S100Z: variants seen among roughly 807,000 people sequenced by gnomAD.
S100Z encodes the protein S100 calcium binding protein Z.
Under a neutral mutation model 8.5 loss-of-function variants are expected in S100Z, and 11 were observed. The ratio of observed to expected loss-of-function variants is 1.30; its 90% CI spans 0.82 to 2.15. S100Z has a LOEUF of 2.15. Among genes scored for constraint, S100Z ranks in the 30% most tolerant of loss-of-function variants. The probability of loss-of-function intolerance (pLI) is 0.00; values close to 1 mark genes in which losing one functional copy is unlikely to be tolerated. For missense variants in S100Z, 126 were observed against 117.9 expected, an observed-to-expected ratio of 1.07 and a Z score of -0.32; for synonymous variants, 34 against 43.8, an observed-to-expected ratio of 0.78 and a Z score of 0.89.
the S100Z span, among the ~76,000 whole-genome samples, chr5:76,935,864 C>T: frequency 7.2e-5 from 11 of 151,862 alleles, no homozygotes; most frequent in South Asian, 2.1e-4. Context: ...GCCACCTCCA[C>T]GTCCTGGGTT....
intron 4 of S100Z, among the ~76,000 whole-genome samples, chr5:76,910,631 G>A (rs539818306): frequency 2.5e-3 from 375 of 152,308 alleles, no homozygotes; most frequent in African/African-American, 8.3e-3. Flanking sequence ...CTGCCCCAGA[G>A]GACAAAGGTT....
At chr5:76,851,916 C>T (rs1750738630) in intron 1 of S100Z, among the ~76,000 whole-genome samples, 1 of 152,146 alleles carries the variant, frequency 6.6e-6, no homozygotes, top group South Asian at 2.1e-4. Flanking sequence ...ACAAGCTGGC[C>T]AGCATTCGCT....
intron 4 of S100Z, among the ~76,000 whole-genome samples, chr5:76,909,338 T>G (rs991108377): frequency 4.6e-5 from 7 of 152,194 alleles, no homozygotes; most frequent in African/African-American, 1.7e-4. Context: ...GTTTCCACAC[T>G]ACGGCCTGGC....
chr5:76,950,946 C>G, the S100Z span, among the ~76,000 whole-genome samples: 1 of 152,166 alleles, frequency 6.6e-6, no homozygotes, highest in Non-Finnish European at 1.5e-5. Context: ...GAATGGCTAC[C>G]TGGCTTCTCC....
At chr5:76,882,590 AGTT>A (rs1256963890) in intron 4 of S100Z, among the ~76,000 whole-genome samples, 2 of 152,130 alleles carry the variant, frequency 1.3e-5, no homozygotes, top group Admixed American at 6.6e-5. Flanking sequence ...GAAGGAAAGG[AGTT>A]GTTGTTTTGT....
chr5:76,907,021 T>TATAC (rs1580056895), intron 4 of S100Z, among the ~76,000 whole-genome samples: 2 of 108,718 alleles, frequency 1.8e-5, no homozygotes, highest in Non-Finnish European at 3.3e-5. Context: ...TATATATATA[T>TATAC]ATACATATAT....
At chr5:76,894,514 C>T (rs918471673) in intron 4 of S100Z, among the ~76,000 whole-genome samples, 56 of 151,994 alleles carry the variant, frequency 3.7e-4, no homozygotes, top group African/African-American at 1.2e-3. Flanking sequence ...CATCCATATA[C>T]GTACGCATGG....
At chr5:76,897,573 A>T (rs1004774060) in intron 4 of S100Z, among the ~76,000 whole-genome samples, 7 of 152,100 alleles carry the variant, frequency 4.6e-5, no homozygotes, top group Non-Finnish European at 8.8e-5. Flanking sequence ...TGCTTTGGCT[A>T]GTATAGACAT....
At chr5:76,856,167 G>T (rs1340265608) in intron 1 of S100Z, among the ~76,000 whole-genome samples, 1 of 152,140 alleles carries the variant, frequency 6.6e-6, no homozygotes, top group African/African-American at 2.4e-5. Context: ...TGTACAGCCT[G>T]TGAAACTGTG....
chr5:76,885,122 C>A (rs188953409), intron 4 of S100Z, among the ~76,000 whole-genome samples: 2 of 152,194 alleles, frequency 1.3e-5, no homozygotes, highest in Admixed American at 1.3e-4. Context: ...AGCAGTATTG[C>A]AGAAGAAAAT....
At chr5:76,882,505 T>C (rs1278503443) in intron 4 of S100Z, among the ~76,000 whole-genome samples, 1 of 152,144 alleles carries the variant, frequency 6.6e-6, no homozygotes, top group Non-Finnish European at 1.5e-5. Context: ...AGGTTTCCTT[T>C]TGTGAGTTTA....
chr5:76,883,666 T>G (rs868745368), intron 4 of S100Z, among the ~76,000 whole-genome samples: 22 of 152,316 alleles, frequency 1.4e-4, no homozygotes, highest in African/African-American at 4.8e-4. Flanking sequence ...AAGCTGAGAA[T>G]ATCTGGGAAT....
intron 4 of S100Z, among the ~76,000 whole-genome samples, chr5:76,894,814 C>T (rs917450650): frequency 6.6e-6 from 1 of 152,098 alleles, no homozygotes; most frequent in South Asian, 2.1e-4. Flanking sequence ...GTCTTGAACC[C>T]CTGACCTCAG....
At chr5:76,898,033 G>A (rs529910353) in intron 4 of S100Z, among the ~76,000 whole-genome samples, 1 of 152,284 alleles carries the variant, frequency 6.6e-6, no homozygotes, top group South Asian at 2.1e-4. Context: ...CATAACAGTG[G>A]TGACACTGGG....
rs544938683 is a variant in S100Z, at chr5:76,896,665, A to G, written c.*2+18831A>G. Among the ~76,000 whole-genome samples the G allele has an allele frequency of 7.4e-4, 112 of 152,288 alleles. 1 individual carries two copies. Among genetic ancestry groups the G allele is most frequent in the African/African-American group, 2.6e-3 (107 of 41,562 alleles). ...GTTTACATCCCCATCAATGCATACAAGGATTCACTTTTCTCCACATCCTTG... is the reference window on the plus strand; with the variant it reads ...GTTTACATCCCCATCAATGCATACAGGGATTCACTTTTCTCCACATCCTTG... On this transcript the variant is annotated intron_variant, in intron 4 of 4. Transcript: ENST00000317593.
chr5:76,919,626 A>T (rs1202970735), intron 4 of S100Z, among the ~76,000 whole-genome samples: 3 of 113,360 alleles, frequency 2.6e-5, no homozygotes, highest in African/African-American at 3.6e-5. Context: ...TTTTTTTTTT[A>T]AAGAGATGCA....
chr5:76,905,882 T>G (rs1003507371), intron 4 of S100Z, among the ~76,000 whole-genome samples: 1 of 152,130 alleles, frequency 6.6e-6, no homozygotes, highest in Admixed American at 6.5e-5. Context: ...CAGGCTGCAG[T>G]ACAGTGGTAT....
intron 4 of S100Z, among the ~76,000 whole-genome samples, chr5:76,918,990 G>C (rs904067988): frequency 1.3e-5 from 2 of 152,128 alleles, no homozygotes; most frequent in East Asian, 3.9e-4. Context: ...ACACATTTAA[G>C]TTTTCTTCGT....
At chr5:76,914,819 G>T (rs1275308520) in intron 4 of S100Z, among the ~76,000 whole-genome samples, 1 of 152,116 alleles carries the variant, frequency 6.6e-6, no homozygotes, top group African/African-American at 2.4e-5. Context: ...AACCCTCACA[G>T]TGAAGGTCTG....
Sources: gnomAD v4.1 joint callset for allele counts (sites outside exome capture counted in the v4.1 genomes callset) on GRCh38, gnomAD v4.1.1 for gene constraint, MANE v1.5 for transcripts, NCBI Gene and HGNC (gene_info 2026-07-23, HGNC 2026-07-21) for gene names.